Variants in SPIRE1 observed in about 807,000 individuals in gnomAD.
The protein encoded by SPIRE1 is protein spire homolog 1.
SPIRE1 carries 40 observed loss-of-function variants against 94.1 expected under a neutral mutation model. The observed-to-expected ratio is 0.43, with a 90% CI of 0.33 to 0.55. The LOEUF (loss-of-function observed/expected upper bound fraction) is 0.55. Ranked by LOEUF, SPIRE1 falls within the 20% of genes least tolerant of loss-of-function variation. The pLI is 0.06. For synonymous variants in SPIRE1, 376 were observed against 371.7 expected, an observed-to-expected ratio of 1.01 and a Z score of -0.13; for missense variants, 838 against 975.2, an observed-to-expected ratio of 0.86 and a Z score of 1.87.
At chr18:12,547,758 A>G (rs1372347269) in intron 2 of SPIRE1, among the ~76,000 whole-genome samples, 1 of 152,138 alleles carries the variant, frequency 6.6e-6, no homozygotes, top group African/African-American at 2.4e-5. Flanking sequence ...CCTGGCCAAC[A>G]TGGCGAAACC....
Position 12,527,326 on chromosome 18 carries a change from G to A in SPIRE1, c.729+8150C>T, listed in dbSNP as rs539045588. Among the ~76,000 whole-genome samples the A allele has an allele frequency of 5.3e-5, 8 of 152,022 alleles. No homozygotes were observed. The South Asian group carries it at 1.7e-3, about 32-fold the overall frequency. On this transcript the variant is annotated intron_variant, in intron 4 of 16. Transcript: ENST00000409402. ...CTACTTTATTAAGGTTTGTTGAACC[G>A]TGCTTCAGTTTTTCTATCTACACGA...
At chr18:12,451,028 G>C in intron 16 of SPIRE1, 1 of 399,976 alleles carries the variant, frequency 2.5e-6, no homozygotes, top group South Asian at 2.9e-5. Context: ...AGAAGGAGGG[G>C]AGGAGGAGGA....
chr18:12,633,854 T>C (rs1195560118), intron 2 of SPIRE1, among the ~76,000 whole-genome samples: 3 of 152,162 alleles, frequency 2.0e-5, no homozygotes, highest in Non-Finnish European at 4.4e-5. Flanking sequence ...CACACATATA[T>C]GCTGACCTGG....
At chr18:12,572,917 G>C (rs866436915) in intron 2 of SPIRE1, among the ~76,000 whole-genome samples, 1 of 152,198 alleles carries the variant, frequency 6.6e-6, no homozygotes, top group Middle Eastern at 3.4e-3. Flanking sequence ...TGTAAAATCC[G>C]AAACTATAAA....
chr18:12,460,697 A>G (rs1198764135), intron 12 of SPIRE1, among the ~76,000 whole-genome samples: 1 of 148,866 alleles, frequency 6.7e-6, no homozygotes, highest in Non-Finnish European at 1.5e-5. Context: ...GCGCAACAAG[A>G]GCGGAACTCC....
chr18:12,621,987 C>A (rs1445641724), intron 2 of SPIRE1, among the ~76,000 whole-genome samples: 2 of 152,110 alleles, frequency 1.3e-5, no homozygotes, highest in Non-Finnish European at 2.9e-5. Context: ...AAAATCTCCA[C>A]CAAATTGAGA....
intron 2 of SPIRE1, among the ~76,000 whole-genome samples, chr18:12,629,916 A>C (rs944942069): frequency 6.6e-6 from 1 of 152,188 alleles, no homozygotes; most frequent in Non-Finnish European, 1.5e-5. Flanking sequence ...GTATATTAAA[A>C]CATTTTCCAA....
At chr18:12,510,624 C>A (rs1024283098) in intron 5 of SPIRE1, among the ~76,000 whole-genome samples, 2 of 151,900 alleles carry the variant, frequency 1.3e-5, no homozygotes, top group Non-Finnish European at 2.9e-5. Flanking sequence ...CTCACCCCAA[C>A]CTCCACCTCC....
intron 6 of SPIRE1, among the ~76,000 whole-genome samples, chr18:12,505,202 C>T (rs2033787998): frequency 6.6e-6 from 1 of 152,110 alleles, no homozygotes; most frequent in Admixed American, 6.5e-5. Context: ...AGGAAGGCCA[C>T]TTAGAGGTTA....
chr18:12,529,762 AT>A (rs2034632080), intron 4 of SPIRE1, among the ~76,000 whole-genome samples: 1 of 152,132 alleles, frequency 6.6e-6, no homozygotes, highest in South Asian at 2.1e-4. Flanking sequence ...GGAAGAGAAA[AT>A]TTTCATCACT....
chr18:12,500,910 T>A (rs986101219), intron 6 of SPIRE1, among the ~76,000 whole-genome samples: 1 of 151,376 alleles, frequency 6.6e-6, no homozygotes, highest in Non-Finnish European at 1.5e-5. Flanking sequence ...CTGTCTCTAC[T>A]AAAAATACAA....
chr18:12,651,185 A>ATTTGAAC lies in SPIRE1; in HGVS notation c.337+6338_337+6344dup, dbSNP rs2038370016. Among the ~76,000 whole-genome samples the ATTTGAAC allele has an allele frequency of 3.3e-5, 5 of 152,216 alleles. No individual in the cohort carries two copies. In the East Asian group the frequency reaches 9.6e-4, roughly 29 times the overall value. The stretch of plus-strand genomic sequence containing the variant: ...TTGTTAGATTGAATTAACCTGACAT[A>ATTTGAAC]TTTGAACTTATTATTCAAAGAGAAC... On this transcript the variant is annotated intron_variant, in intron 1 of 16. Transcript: ENST00000409402.
chr18:12,599,570 T>C (rs1357930383), intron 2 of SPIRE1, among the ~76,000 whole-genome samples: 1 of 152,222 alleles, frequency 6.6e-6, no homozygotes, highest in Non-Finnish European at 1.5e-5. Context: ...CTCTTTAGTC[T>C]CCTTTAATCA....
rs2035607587 is a variant in SPIRE1 at position 12,559,133 on chromosome 18, G to C, written c.373-12229C>G. On this transcript the variant is annotated intron_variant, in intron 2 of 16. Coordinates refer to ENST00000409402, the MANE Select transcript of SPIRE1 (RefSeq NM_001128626.2). This position sits in a 1 kb window ranked among gnomAD's most constrained non-coding sequence, Gnocchi z 4.7. The stretch of plus-strand genomic sequence containing the variant: ...GGGACCAGGCACCTTGGAGCAGGGG[G>C]AGGCGCCCCCTGGGGAGGCTCCATC... Among the ~76,000 whole-genome samples, 1 of 111,324 alleles carries C rather than the reference G, an allele frequency of 9.0e-6. No individual in the cohort carries two copies. The highest frequency in any genetic ancestry group is 3.0e-5 in the African/African-American group (1 of 33,702). 73.0% of individuals were successfully genotyped at this position (111,324 alleles called of 152,430 possible).
chr18:12,518,916 A>G (rs2034277918), intron 4 of SPIRE1, among the ~76,000 whole-genome samples: 1 of 152,204 alleles, frequency 6.6e-6, no homozygotes, highest in African/African-American at 2.4e-5. Context: ...TCCCAAATTA[A>G]TATTTCAGAA....
intron 2 of SPIRE1, among the ~76,000 whole-genome samples, chr18:12,612,482 T>A (rs1171101464): frequency 6.6e-6 from 1 of 152,206 alleles, no homozygotes; most frequent in Non-Finnish European, 1.5e-5. Flanking sequence ...AATAGTTTCA[T>A]ATTTATATAG....
chr18:12,461,142 G>C (rs1009820795), intron 12 of SPIRE1, among the ~76,000 whole-genome samples: 2 of 152,194 alleles, frequency 1.3e-5, no homozygotes, highest in African/African-American at 4.8e-5. Context: ...ACAGGAAACA[G>C]ACACAGTCAT....
upstream of SPIRE1, chr18:12,658,185 C>T: frequency 1.3e-6 from 1 of 767,154 alleles, no homozygotes; most frequent in Non-Finnish European, 1.8e-6. Flanking sequence ...CCGCACGGGC[C>T]GGGGGATGCA....
At chr18:12,458,455 C>CA (rs928079637) in intron 12 of SPIRE1, among the ~76,000 whole-genome samples, 16 of 150,220 alleles carry the variant, frequency 1.1e-4, no homozygotes, top group Non-Finnish European at 2.1e-4. Flanking sequence ...ACTAAAAATA[C>CA]AAAAAAAAAT....
Sources: gnomAD v4.1 joint callset for allele counts (sites outside exome capture counted in the v4.1 genomes callset) on GRCh38, gnomAD v4.1.1 for gene constraint, Gnocchi (gnomAD v3.1) non-coding constraint, MANE v1.5 for transcripts, NCBI Gene and HGNC (gene_info 2026-07-23, HGNC 2026-07-21) for gene names.